Variants in PARD3B observed in about 807,000 individuals in gnomAD.
The protein encoded by PARD3B is partitioning defective 3 homolog B.
PARD3B carries 103 observed loss-of-function variants against 130.2 expected under a neutral mutation model. That is an observed-to-expected ratio of 0.79 (90% CI 0.67 to 0.93). The LOEUF is 0.93. PARD3B is among the 40% of genes least tolerant of loss of function. PARD3B has a pLI of 0.00. For missense variants in PARD3B, 1,609 were observed against 1,499.2 expected, an observed-to-expected ratio of 1.07 and a Z score of -1.21; for synonymous variants, 583 against 553.2, an observed-to-expected ratio of 1.05 and a Z score of -0.76.
intron 15 of PARD3B, among the ~76,000 whole-genome samples, chr2:205,240,243 T>G (rs937498858): frequency 6.6e-6 from 1 of 152,208 alleles, no homozygotes; most frequent in Non-Finnish European, 1.5e-5. Context: ...TATTGGCAAC[T>G]ACATCAATTT....
At chr2:204,960,066 T>G (rs1252463584) in intron 2 of PARD3B, among the ~76,000 whole-genome samples, 1 of 152,206 alleles carries the variant, frequency 6.6e-6, no homozygotes, top group Non-Finnish European at 1.5e-5. Flanking sequence ...GGGTCTAAAA[T>G]GTGAAATTTT....
intron 2 of PARD3B, among the ~76,000 whole-genome samples, chr2:204,693,676 A>G (rs2037456848): frequency 6.6e-6 from 1 of 151,996 alleles, no homozygotes; most frequent in South Asian, 2.1e-4. Flanking sequence ...GTAGCCATTT[A>G]GAGGCCTCAC....
intron 3 of PARD3B, among the ~76,000 whole-genome samples, chr2:204,977,872 A>G (rs1266364326): frequency 6.6e-6 from 1 of 150,992 alleles, no homozygotes; most frequent in African/African-American, 2.4e-5. Context: ...CTGAAAGGGG[A>G]AAGAGGAGAA....
intron 1 of PARD3B, among the ~76,000 whole-genome samples, chr2:204,592,738 C>T (rs1256927814): frequency 6.6e-6 from 1 of 152,156 alleles, no homozygotes; most frequent in South Asian, 2.1e-4. Context: ...CTCATACATT[C>T]TTCCCCAAAG....
intron 2 of PARD3B, among the ~76,000 whole-genome samples, chr2:204,871,309 A>G (rs1026257245): frequency 2.6e-5 from 4 of 152,140 alleles, no homozygotes; most frequent in African/African-American, 9.6e-5. Flanking sequence ...ATTATAGACT[A>G]TAAACAACTC....
chr2:204,754,841 A>G (rs893896501), intron 2 of PARD3B, among the ~76,000 whole-genome samples: 8 of 152,118 alleles, frequency 5.3e-5, no homozygotes, highest in Non-Finnish European at 7.4e-5. Flanking sequence ...AATTTAATCT[A>G]TGGGGCTATG....
In PARD3B at chr2:204,906,316, A is replaced by G. The variant is rs2047040651; in HGVS notation, c.223-58836A>G. ...AGACTCAGACTTTTCTTGCTTTGAA[A>G]TACCATAATAACTCTGTCATCACAT... is the stretch of plus-strand genomic sequence containing the variant. On this transcript the variant is annotated intron_variant, in intron 2 of 22. Coordinates refer to ENST00000406610, the MANE Select transcript of PARD3B (RefSeq NM_001302769.2). The surrounding 1 kb of genome is among the most constrained non-coding windows in gnomAD (Gnocchi z 4.3). Among the ~76,000 whole-genome samples, 1 of 152,196 alleles carries G rather than the reference A, an allele frequency of 6.6e-6. No individual in the cohort carries two copies. Among genetic ancestry groups the G allele is most frequent in the East Asian group, 1.9e-4 (1 of 5,192 alleles).
rs1220141911 is a variant in PARD3B at position 205,142,707 on chromosome 2, G to A, written c.1435-16015G>A. 3.3e-5 allele frequency among the ~76,000 whole-genome samples: 5 copies of A among 151,792 alleles called. No homozygotes were observed. The highest frequency in any genetic ancestry group is 5.9e-5 in the Non-Finnish European group (4 of 67,930). On this transcript the variant is annotated intron_variant, in intron 10 of 22. Transcript: ENST00000406610. This position sits in a 1 kb window ranked among gnomAD's most constrained non-coding sequence, Gnocchi z 4.3. ...AACCTGGTCAACATGGTGAAACCCCGTCTCTACTAAAAATACAAAAATTAG... is the reference window on the plus strand; with the variant it reads ...AACCTGGTCAACATGGTGAAACCCCATCTCTACTAAAAATACAAAAATTAG...
At chr2:205,433,005 A>G (rs1237251659) in intron 19 of PARD3B, among the ~76,000 whole-genome samples, 1 of 152,204 alleles carries the variant, frequency 6.6e-6, no homozygotes, top group African/African-American at 2.4e-5. Context: ...CATTCAAAAA[A>G]TTTTGGAAGT....
chr2:204,731,694 T>A (rs1363728107), intron 2 of PARD3B, among the ~76,000 whole-genome samples: 1 of 152,124 alleles, frequency 6.6e-6, no homozygotes, highest in Non-Finnish European at 1.5e-5. Flanking sequence ...AAAATATGAA[T>A]GAAAATTTTA....
intron 2 of PARD3B, among the ~76,000 whole-genome samples, chr2:204,761,380 A>G (rs998461438): frequency 6.6e-5 from 10 of 152,194 alleles, no homozygotes; most frequent in African/African-American, 2.4e-4. Flanking sequence ...AAGAGTAGTC[A>G]CCAAGATAGT....
chr2:205,144,584 A>G (rs1204889522), intron 10 of PARD3B, among the ~76,000 whole-genome samples: 2 of 152,206 alleles, frequency 1.3e-5, no homozygotes, highest in South Asian at 2.1e-4. Context: ...AGTCAGTTGT[A>G]TCTGACAATT....
intron 2 of PARD3B, among the ~76,000 whole-genome samples, chr2:204,882,166 A>G (rs893930452): frequency 4.6e-5 from 7 of 152,176 alleles, no homozygotes; most frequent in Admixed American, 1.3e-4. Context: ...TAATTTCTAA[A>G]CTGGATATAA....
intron 8 of PARD3B, among the ~76,000 whole-genome samples, chr2:205,123,007 A>C (rs1247832602): frequency 1.3e-5 from 2 of 152,244 alleles, no homozygotes; most frequent in African/African-American, 4.8e-5. Context: ...AGAAAAATGA[A>C]TCAGACACAG....
In PARD3B at chr2:205,265,021, C is replaced by T. The variant is rs1488262536; in HGVS notation, c.2185+19199C>T. 1.4e-5 allele frequency among the ~76,000 whole-genome samples: 2 copies of T among 147,778 alleles called. 1 individual carries two copies. The highest frequency in any genetic ancestry group is 1.3e-4 in the Admixed American group (2 of 14,826). On this transcript the variant is annotated intron_variant, in intron 16 of 22. Coordinates refer to ENST00000406610, the MANE Select transcript of PARD3B (RefSeq NM_001302769.2). The surrounding 1 kb of genome is among the most constrained non-coding windows in gnomAD (Gnocchi z 4.3). ...AATGCTGAAGTTTTGACAAAAATTA[C>T]TTTAACTTTTGCTTCCCTCGGAACA...
chr2:204,778,227 C>T lies in PARD3B; in HGVS notation c.222+91945C>T, dbSNP rs946647503. Among the ~76,000 whole-genome samples the T allele has an allele frequency of 1.5e-4, 23 of 150,934 alleles. 1 individual carries two copies. The highest frequency in any genetic ancestry group is 5.6e-4 in the African/African-American group (23 of 41,006). ...GGTCTTATTGAAATTCAGAGTTTTG[C>T]AAAACATTTCTTGCCAACTTGGATG... On this transcript the variant is annotated intron_variant, in intron 2 of 22. Coordinates refer to ENST00000406610, the MANE Select transcript of PARD3B (RefSeq NM_001302769.2).
At chr2:204,956,032 T>C (rs552082464) in intron 2 of PARD3B, among the ~76,000 whole-genome samples, 145 of 152,218 alleles carry the variant, frequency 9.5e-4, no homozygotes, top group African/African-American at 3.4e-3. Flanking sequence ...ACTTTGGCAA[T>C]AGTGTTATGG....
intron 1 of PARD3B, among the ~76,000 whole-genome samples, chr2:204,659,030 A>G (rs1405907307): frequency 1.3e-5 from 2 of 152,130 alleles, no homozygotes; most frequent in African/African-American, 4.8e-5. Context: ...CAGCTATCAC[A>G]TTGTTCCAGG....
At chr2:204,860,476 G>A (rs2045138833) in intron 2 of PARD3B, among the ~76,000 whole-genome samples, 2 of 152,214 alleles carry the variant, frequency 1.3e-5, no homozygotes, top group South Asian at 2.1e-4. Context: ...GACTATTTGA[G>A]CAACAAAGAG....
Sources: allele counts gnomAD v4.1 joint callset (sites outside exome capture counted in the v4.1 genomes callset), GRCh38; gene constraint gnomAD v4.1.1; non-coding constraint Gnocchi (gnomAD v3.1); transcripts MANE v1.5; gene names NCBI Gene and HGNC (gene_info 2026-07-23, HGNC 2026-07-21).